The following NMT1 variants were observed in gnomAD, a reference collection of about 807,000 sequenced individuals.
NMT1 encodes glycylpeptide N-tetradecanoyltransferase 1.
In NMT1, 12 loss-of-function variants were observed where a neutral mutation model predicts 63.4. The ratio of observed to expected loss-of-function variants is 0.19; its 90% CI spans 0.12 to 0.31. The LOEUF (loss-of-function observed/expected upper bound fraction) is 0.31. NMT1 is among the 10% of genes least tolerant of loss of function. The pLI is 1.00. For synonymous variants in NMT1, 228 were observed against 234.3 expected, an observed-to-expected ratio of 0.97 and a Z score of 0.25; for missense variants, 432 against 634.6, an observed-to-expected ratio of 0.68 and a Z score of 3.43.
chr17:45,066,839 A>G (rs1387931472), intron 1 of NMT1, among the ~76,000 whole-genome samples: 2 of 139,422 alleles, frequency 1.4e-5, no homozygotes, highest in South Asian at 2.4e-4. Flanking sequence ...CAGCCTCCCA[A>G]GTAGCTAGGA....
At position 45,097,200 on chromosome 17, in the gene NMT1, T is replaced by C; in HGVS notation, c.669T>C (p.Val223=). 2.5e-6 allele frequency: 4 copies of C among 1,614,174 alleles called. No individual in the cohort carries two copies. The highest frequency in any genetic ancestry group is 3.4e-6 in the Non-Finnish European group (4 of 1,180,022). ...GAGTGGTCTCAAGTCGGAAATTGGT[T>C]GGGTTCATTAGCGCCATCCCAGCAA... ...GVRVVSSRKL[V]GFISAIPANI... Residue 223 remains valine, a synonymous_variant, in exon 6 of 12, where the codon GTT becomes GTC. Coordinates refer to ENST00000258960, the MANE Select transcript of NMT1 (RefSeq NM_021079.5).
rs1485280609 is a variant in NMT1, at chr17:45,105,037, G to T, written c.1470+41G>T. The T allele has an allele frequency of 6.2e-7, 1 of 1,612,224 alleles. No homozygotes were observed. Among genetic ancestry groups the T allele is most frequent in the South Asian group, 1.1e-5 (1 of 90,968 alleles). Reference sequence around the variant, plus strand: ...CCAGAGTCCAGGCTGCCCGGCCCAGGGTGTCCATGTCTCCAGCAGAAACCG... The same window carrying T: ...CCAGAGTCCAGGCTGCCCGGCCCAGTGTGTCCATGTCTCCAGCAGAAACCG... On this transcript the variant is annotated intron_variant, in intron 11 of 11. Coordinates refer to ENST00000258960, the MANE Select transcript of NMT1 (RefSeq NM_021079.5). This position sits in a 1 kb window ranked among gnomAD's most constrained non-coding sequence, Gnocchi z 4.2.
chr17:45,105,906 T>C lies in NMT1; in HGVS notation c.*267T>C. The C allele has an allele frequency of 2.4e-6, 1 of 415,854 alleles. No homozygotes were observed. Among genetic ancestry groups the C allele is most frequent in the East Asian group, 4.7e-5 (1 of 21,082 alleles). The allele number at this position is 415,854 out of a possible 1,614,324, so 25.8% of individuals were successfully genotyped here. A position where few individuals can be genotyped will look rare whatever the true frequency, so the allele number is the denominator to read the frequency against. ...GCCGTGATCAAGGGAATGTAACTGC[T>C]GAAAACTAGCTCGTGATTGGCATAT... On this transcript the variant is annotated 3_prime_UTR_variant, in exon 12 of 12. Coordinates refer to ENST00000258960, the MANE Select transcript of NMT1 (RefSeq NM_021079.5). This position sits in a 1 kb window ranked among gnomAD's most constrained non-coding sequence, Gnocchi z 4.2.
chr17:45,106,633 G>A lies in NMT1; in HGVS notation c.*994G>A, dbSNP rs1326564744. On this transcript the variant is annotated 3_prime_UTR_variant, in exon 12 of 12. Coordinates refer to ENST00000258960, the MANE Select transcript of NMT1 (RefSeq NM_021079.5). ...AAAGAGCCAGCACCCTGATGTCCCTGGGGTGGCTAGGCAGGAGTGGCGTGG... is the reference window on the plus strand; with the variant it reads ...AAAGAGCCAGCACCCTGATGTCCCTAGGGTGGCTAGGCAGGAGTGGCGTGG... 2 of 152,766 alleles carry A rather than the reference G, an allele frequency of 1.3e-5. No individual in the cohort carries two copies. The highest frequency in any genetic ancestry group is 4.8e-5 in the African/African-American group (2 of 41,468). The allele number at this position is 152,766 out of a possible 1,614,324, so 9.5% of individuals were successfully genotyped here.
At chr17:45,100,862 C>CAAAAAAAAAAA (rs71136069) in intron 8 of NMT1, among the ~76,000 whole-genome samples, 8 of 32,590 alleles carry the variant, frequency 2.5e-4, no homozygotes, top group East Asian at 1.3e-3. Context: ...GACTCCGTCT[C>CAAAAAAAAAAA]AAAAAAAAAA....
rs974205497 is a variant in NMT1 at position 45,107,793 on chromosome 17, A to G, written c.*2154A>G. ...GGTTGACCCAGGTCATGGAATGGAAACGGTGAGGCCCCAGTGGCTGTTCTG... is the reference window on the plus strand; with the variant it reads ...GGTTGACCCAGGTCATGGAATGGAAGCGGTGAGGCCCCAGTGGCTGTTCTG... On this transcript the variant is annotated 3_prime_UTR_variant, in exon 12 of 12. Transcript: ENST00000258960. 1 of 152,258 alleles carries G rather than the reference A, an allele frequency of 6.6e-6. No homozygotes were observed. The highest frequency in any genetic ancestry group is 1.5e-5 in the Non-Finnish European group (1 of 68,088). The allele number at this position is 152,258 out of a possible 1,614,324, so 9.4% of individuals were successfully genotyped here.
chr17:45,102,961 C>G lies in NMT1; in HGVS notation c.1004C>G (p.Thr335Arg). The G allele has an allele frequency of 6.2e-7, 1 of 1,611,588 alleles. No individual in the cohort carries two copies. The highest frequency in any genetic ancestry group is 8.5e-7 in the Non-Finnish European group (1 of 1,177,960). Reference protein sequence around the residue: ...KLYRLPETPKTAGLRPMETKD... With the variant: ...KLYRLPETPKRAGLRPMETKD... ...CTGTCTTGCCTCCAGACTCCCAAGACAGCTGGGCTGCGACCAATGGAAACA... is the reference window on the plus strand; with the variant it reads ...CTGTCTTGCCTCCAGACTCCCAAGAGAGCTGGGCTGCGACCAATGGAAACA... Residue 335 changes from threonine to arginine, a missense_variant, in exon 9 of 12, where the codon ACA (threonine) becomes AGA (arginine). This residue lies in a region of NMT1 where 295 missense variants were observed against 489.7 expected (regional missense o/e 0.60). Transcript: ENST00000258960.
At chr17:45,063,747 T>A (rs546749494) in intron 1 of NMT1, among the ~76,000 whole-genome samples, 25 of 151,702 alleles carry the variant, frequency 1.6e-4, no homozygotes, top group Non-Finnish European at 3.2e-4. Flanking sequence ...AATACAAAAT[T>A]TAGCTGGGCA....
chr17:45,085,719 A>C (rs2054047560), intron 2 of NMT1, among the ~76,000 whole-genome samples: 1 of 152,178 alleles, frequency 6.6e-6, no homozygotes, highest in Non-Finnish European at 1.5e-5. Flanking sequence ...GCACCCACCC[A>C]TCATATAGCT....
intron 1 of NMT1, among the ~76,000 whole-genome samples, chr17:45,068,664 T>C (rs760047604): frequency 6.6e-6 from 1 of 152,194 alleles, no homozygotes; most frequent in South Asian, 2.1e-4. Context: ...TGTTTGTTTC[T>C]TTTTTTGAGT....
At position 45,104,374 on chromosome 17, in the gene NMT1, G is replaced by T. The variant is rs1271027909; in HGVS notation, c.1333-485G>T. On this transcript the variant is annotated intron_variant, in intron 10 of 11. Coordinates refer to ENST00000258960, the MANE Select transcript of NMT1 (RefSeq NM_021079.5). The surrounding 1 kb of genome is among the most constrained non-coding windows in gnomAD (Gnocchi z 4.2). ...CCTGTGAGAGCTTCTGCTCCAGTTG[G>T]TGAGGTTTAGGAAGCATCTTCACAG... 1.8e-6 allele frequency: 2 copies of T among 1,141,424 alleles called. No individual in the cohort carries two copies. The highest frequency in any genetic ancestry group is 1.6e-5 in the African/African-American group (1 of 62,010). The allele number at this position is 1,141,424 out of a possible 1,614,324, so 70.7% of individuals were successfully genotyped here.
intron 4 of NMT1, among the ~76,000 whole-genome samples, chr17:45,095,553 G>T (rs2054119684): frequency 1.3e-5 from 2 of 152,138 alleles, no homozygotes; most frequent in Admixed American, 1.3e-4. Flanking sequence ...TTGAGCCCAG[G>T]AGTTCAAAAT....
chr17:45,067,009 T>C (rs1448219867), intron 1 of NMT1, among the ~76,000 whole-genome samples: 1 of 152,206 alleles, frequency 6.6e-6, no homozygotes, highest in Non-Finnish European at 1.5e-5. Flanking sequence ...CATAAGCTCC[T>C]GCATCCAGCT....
At chr17:45,091,164 A>G (rs1410128242) in intron 3 of NMT1, among the ~76,000 whole-genome samples, 1 of 148,846 alleles carries the variant, frequency 6.7e-6, no homozygotes, top group African/African-American at 2.5e-5. Context: ...GTCGTTAGAT[A>G]TTTCCTCTGA....
At chr17:45,066,508 C>T (rs952571648) in intron 1 of NMT1, among the ~76,000 whole-genome samples, 2 of 151,658 alleles carry the variant, frequency 1.3e-5, no homozygotes, top group Non-Finnish European at 2.9e-5. Context: ...AATCTCAGCA[C>T]TTTGGGAGGC....
In NMT1 at chr17:45,103,054, T is replaced by A; in HGVS notation, c.1097T>A (p.Met366Lys). The A allele has an allele frequency of 1.2e-6, 2 of 1,613,996 alleles. No individual in the cohort carries two copies. Among genetic ancestry groups the A allele is most frequent in the Non-Finnish European group, 1.7e-6 (2 of 1,179,880 alleles). The change falls in exon 9 of 12, where the codon ATG becomes AAG. Residue 366 changes from methionine (M) to lysine (K), a missense_variant. Met to Lys is a moderately conservative substitution (Grantham distance 95). Coordinates refer to ENST00000258960, the MANE Select transcript of NMT1 (RefSeq NM_021079.5). This position sits in a 1 kb window ranked among gnomAD's most constrained non-coding sequence, Gnocchi z 4.8. The part of the protein sequence containing the change: ...YLKQFHLTPV[M>K]SQEEVEHWFY... ...AAGCAATTTCACCTTACGCCCGTCA[T>A]GAGCCAGGAGGAGGTGGAGCACTGG...
At chr17:45,090,441 C>T (rs899753144) in intron 3 of NMT1, among the ~76,000 whole-genome samples, 8 of 152,150 alleles carry the variant, frequency 5.3e-5, no homozygotes, top group African/African-American at 1.7e-4. Flanking sequence ...CTCATGTCAA[C>T]GGAAGCAGTA....
intron 1 of NMT1, among the ~76,000 whole-genome samples, chr17:45,079,197 C>T (rs561200457): frequency 4.0e-5 from 6 of 151,762 alleles, no homozygotes; most frequent in Non-Finnish European, 8.8e-5. Context: ...CACAGCCTCC[C>T]GGGTTCAAGC....
intron 3 of NMT1, among the ~76,000 whole-genome samples, chr17:45,091,209 C>CACACACACACACACAA: frequency 6.6e-6 from 1 of 150,992 alleles, no homozygotes; most frequent in East Asian, 1.9e-4. Flanking sequence ...CACACACACA[C>CACACACACACACACAA]ACACACACAC....
Sources: allele counts gnomAD v4.1 joint callset (sites outside exome capture counted in the v4.1 genomes callset), GRCh38; gene constraint gnomAD v4.1.1; regional missense constraint gnomAD v4.1.1; non-coding constraint Gnocchi (gnomAD v3.1); transcripts MANE v1.5; gene names NCBI Gene and HGNC (gene_info 2026-07-23, HGNC 2026-07-21).